The following FAS variants were observed in gnomAD, a reference collection of about 807,000 sequenced individuals.
FAS encodes the protein Fas cell surface death receptor.
In FAS, 5 loss-of-function variants were observed where a neutral mutation model predicts 33.2. The observed-to-expected ratio is 0.15, with a 90% confidence interval of 0.08 to 0.32. The LOEUF (loss-of-function observed/expected upper bound fraction) is 0.32. Ranked by LOEUF, FAS falls within the 10% of genes least tolerant of loss-of-function variation. The pLI, the probability that FAS is intolerant of heterozygous loss-of-function variation, is 1.00. For synonymous variants in FAS, 131 were observed against 130.7 expected, an observed-to-expected ratio of 1.00 and a Z score of -0.01; for missense variants, 339 against 386.0, an observed-to-expected ratio of 0.88 and a Z score of 1.02.
rs1262962026 is a variant in FAS at position 89,016,173 on chromosome 10, G to A, written c.*1723G>A. ...CTTTCTTTTCTGCAATTTAATGCTA[G>A]TAATATATTCTATTTAACCCATGAG... On this transcript the variant is annotated 3_prime_UTR_variant, in exon 9 of 9. Coordinates refer to ENST00000652046, the MANE Select transcript of FAS (RefSeq NM_000043.6). 1 of 218,266 alleles carries A rather than the reference G, an allele frequency of 4.6e-6. No homozygotes were observed. The highest frequency in any genetic ancestry group is 2.3e-5 in the African/African-American group (1 of 44,444). 13.5% of individuals were successfully genotyped at this position (218,266 alleles called of 1,614,324 possible). A position where few individuals can be genotyped will look rare whatever the true frequency, so the allele number is the denominator to read the frequency against.
chr10:88,989,685 TGA>T (rs1847051670), upstream of FAS: 1 of 433,050 alleles, frequency 2.3e-6, no homozygotes, highest in Admixed American at 2.7e-5. Flanking sequence ...AAATGTCAAC[TGA>T]GAGGAAGCCT....
At position 89,003,142 on chromosome 10, in the gene FAS, C is replaced by G; in HGVS notation, c.144C>G (p.Asn48Lys). 1 of 1,614,188 alleles carries G rather than the reference C, an allele frequency of 6.2e-7. No individual in the cohort carries two copies. The highest frequency in any genetic ancestry group is 8.5e-7 in the Non-Finnish European group (1 of 1,180,002). Residue 48 changes from asparagine (N) to lysine (K), a missense_variant, in exon 2 of 9, where the codon AAC becomes AAG. This residue lies in a region of FAS where 276 missense variants were observed against 300.1 expected (regional missense o/e 0.92). Coordinates refer to ENST00000652046, the MANE Select transcript of FAS (RefSeq NM_000043.6). Reference sequence around the variant, plus strand: ...CTGTTACTACAGTTGAGACTCAGAACTTGGAAGGCCTGCATCATGATGGCC... The same window carrying G: ...CTGTTACTACAGTTGAGACTCAGAAGTTGGAAGGCCTGCATCATGATGGCC... ...RKTVTTVETQ[N>K]LEGLHHDGQF...
chr10:89,001,231 G>T (rs1008437675), intron 1 of FAS, among the ~76,000 whole-genome samples: 2 of 150,076 alleles, frequency 1.3e-5, no homozygotes, highest in Non-Finnish European at 2.9e-5. Flanking sequence ...TTCTTGCCAT[G>T]CTGAGGGCTG....
At position 89,014,447 on chromosome 10, in the gene FAS, C is replaced by T. The variant is rs1848691254; in HGVS notation, c.1005C>T (p.Val335=). 1.2e-6 allele frequency: 2 copies of T among 1,607,866 alleles called. No individual in the cohort carries two copies. The highest frequency in any genetic ancestry group is 2.2e-5 in the East Asian group (1 of 44,834). Reference sequence around the variant, plus strand: ...TCAGAAATGAAATCCAAAGCTTGGTCTAGAGTGAAAAACAACAAATTCAGT... The same window carrying T: ...TCAGAAATGAAATCCAAAGCTTGGTTTAGAGTGAAAAACAACAAATTCAGT... ...SNFRNEIQSL[V] is the part of the protein sequence containing the mutation. Residue 335 remains valine (V), a synonymous_variant, in exon 9 of 9, where the codon GTC becomes GTT. Transcript: ENST00000652046.
chr10:88,975,432 A>G (rs975035537), intron 2 of FAS, among the ~76,000 whole-genome samples: 9 of 152,178 alleles, frequency 5.9e-5, no homozygotes, highest in Non-Finnish European at 1.0e-4. Flanking sequence ...TTTTTTTCTT[A>G]TTACAGACTA....
chr10:89,001,593 G>A (rs1847935752), intron 1 of FAS, among the ~76,000 whole-genome samples: 1 of 151,604 alleles, frequency 6.6e-6, no homozygotes, highest in South Asian at 2.1e-4. Context: ...TGGTGCTAGG[G>A]CAGAGTTTCA....
In FAS at chr10:89,016,176, A is replaced by G. The variant is rs1848798945; in HGVS notation, c.*1726A>G. On this transcript the variant is annotated 3_prime_UTR_variant, in exon 9 of 9. Coordinates refer to ENST00000652046, the MANE Select transcript of FAS (RefSeq NM_000043.6). ...TCTTTTCTGCAATTTAATGCTAGTA[A>G]TATATTCTATTTAACCCATGAGTCC... 4.6e-6 allele frequency: 1 copy of G among 218,224 alleles called. No individual in the cohort carries two copies. The highest frequency in any genetic ancestry group is 5.7e-5 in the Admixed American group (1 of 17,412). 13.5% of individuals were successfully genotyped at this position (218,224 alleles called of 1,614,324 possible).
In FAS at chr10:88,997,201, T is replaced by G. The variant is rs563179066; in HGVS notation, c.31-5828T>G. On this transcript the variant is annotated intron_variant, in intron 1 of 8. Coordinates refer to ENST00000652046, the MANE Select transcript of FAS (RefSeq NM_000043.6). ...TGAACCTCAAAATCACCAAGGGTAC[T>G]TCCCCATTCTCAGAGATCCTGATTC... 2.2e-3 allele frequency among the ~76,000 whole-genome samples: 340 copies of G among 152,352 alleles called. 1 individual carries two copies. The highest frequency in any genetic ancestry group is 3.8e-3 in the Non-Finnish European group (259 of 68,034).
chr10:89,001,089 G>A (rs1256202706), intron 1 of FAS, among the ~76,000 whole-genome samples: 3 of 152,020 alleles, frequency 2.0e-5, no homozygotes, highest in Non-Finnish European at 2.9e-5. Context: ...CAAAAACAAA[G>A]TAAAACCCTC....
At chr10:88,979,632 T>C (rs1284969600) in intron 2 of FAS, among the ~76,000 whole-genome samples, 1 of 152,032 alleles carries the variant, frequency 6.6e-6, no homozygotes, top group Non-Finnish European at 1.5e-5. Context: ...TTAACAAGTC[T>C]ACATAACCTG....
At chr10:88,975,779 A>G (rs187495119) in intron 2 of FAS, among the ~76,000 whole-genome samples, 1 of 152,326 alleles carries the variant, frequency 6.6e-6, no homozygotes, top group Non-Finnish European at 1.5e-5. Flanking sequence ...GCAGGAGGTG[A>G]CTTGGTGACT....
chr10:88,965,065 C>A (rs1232746590), intron 1 of FAS, among the ~76,000 whole-genome samples: 3 of 152,128 alleles, frequency 2.0e-5, no homozygotes, highest in East Asian at 3.8e-4. Flanking sequence ...CATGTTTCTG[C>A]CTTATTTTAA....
chr10:89,012,209 G>GA, intron 7 of FAS, 128 bp downstream of exon 7: 1 of 810,638 alleles, frequency 1.2e-6, no homozygotes, highest in Non-Finnish European at 2.0e-6. Context: ...ATGGAGTCTT[G>GA]CTCCATAGCC....
At chr10:88,967,092 C>T (rs1383628345) in intron 1 of FAS, among the ~76,000 whole-genome samples, 1 of 152,168 alleles carries the variant, frequency 6.6e-6, no homozygotes, top group Non-Finnish European at 1.5e-5. Context: ...CAGGAAGAGA[C>T]CCTCGAGATA....
intron 2 of FAS, among the ~76,000 whole-genome samples, chr10:88,979,685 T>C (rs1045250176): frequency 1.3e-5 from 2 of 152,110 alleles, no homozygotes; most frequent in African/African-American, 4.8e-5. Flanking sequence ...GTTTTGATCC[T>C]CCTATCAAAA....
chr10:88,987,285 AATT>A (rs1285086274), upstream of FAS, among the ~76,000 whole-genome samples: 3 of 152,240 alleles, frequency 2.0e-5, no homozygotes, highest in Non-Finnish European at 2.9e-5. Context: ...GTAACAAAAG[AATT>A]ATTATACTGA....
At chr10:89,003,381 T>A (rs1848045694) in intron 2 of FAS, among the ~76,000 whole-genome samples, 187 bp downstream of exon 2, 1 of 152,246 alleles carries the variant, frequency 6.6e-6, no homozygotes, top group South Asian at 2.1e-4. Flanking sequence ...GCTTATTTGA[T>A]GTGGTTATGG....
intron 5 of FAS, 58 bp from the exon 6 acceptor site, chr10:89,010,695 T>C: frequency 6.2e-7 from 1 of 1,609,964 alleles, no homozygotes; most frequent in Admixed American, 1.7e-5. Flanking sequence ...GAAAGTCCTT[T>C]ATTTAATCTT....
upstream of FAS, chr10:88,990,578 AC>A (rs1433402666): frequency 1.5e-6 from 1 of 660,914 alleles, no homozygotes; most frequent in East Asian, 2.9e-5. This position sits in a 1 kb window ranked among gnomAD's most constrained non-coding sequence, Gnocchi z 4.9. Context: ...GCCCTCCCCA[AC>A]CCGGGCGTTC....
Sources: allele counts gnomAD v4.1 joint callset (sites outside exome capture counted in the v4.1 genomes callset), GRCh38; gene constraint gnomAD v4.1.1; regional missense constraint gnomAD v4.1.1; non-coding constraint Gnocchi (gnomAD v3.1); transcripts MANE v1.5; gene names NCBI Gene and HGNC (gene_info 2026-07-23, HGNC 2026-07-21).